Variants in CELF2 observed in about 807,000 individuals in gnomAD.
The protein encoded by CELF2 is CUGBP Elav-like family member 2.
A neutral mutation model predicts 62.6 loss-of-function variants in CELF2; 8 were observed. The observed-to-expected ratio is 0.13, with a 90% CI of 0.07 to 0.23. The LOEUF (loss-of-function observed/expected upper bound fraction) is 0.23, where lower values mean the gene tolerates loss of function less well. Ranked by LOEUF, CELF2 falls within the 10% of genes least tolerant of loss-of-function variation. The probability of loss-of-function intolerance (pLI) is 1.00; values close to 1 mark genes in which losing one functional copy is unlikely to be tolerated. For missense variants in CELF2, 333 were observed against 671.0 expected (o/e 0.50, Z 5.56); for synonymous variants, 258 against 250.0 (o/e 1.03, Z -0.30).
chr10:11,197,025 A>AAAGAAGG (rs1554936315), intron 2 of CELF2, among the ~76,000 whole-genome samples: 2 of 26,044 alleles, frequency 7.7e-5, no homozygotes, highest in African/African-American at 3.6e-4. Context: ...AGAAAGAAAG[A>AAAGAAGG]AAAGAAAGAA....
chr10:10,486,788 TC>T, the CELF2 span, among the ~76,000 whole-genome samples: 2 of 152,200 alleles, frequency 1.3e-5, no homozygotes, highest in African/African-American at 4.8e-5. Flanking sequence ...GGGTTTGTTG[TC>T]CTGGAGTTTG....
At position 10,936,929 on chromosome 10, in the gene CELF2, T is replaced by C. The variant is rs1000576306; in HGVS notation, c.89+16930T>C. On this transcript the variant is annotated intron_variant, in intron 2 of 13. Transcript: ENST00000636488. The surrounding 1 kb of genome is among the most constrained non-coding windows in gnomAD (Gnocchi z 4.0). ...TCTGATGATTCTGGTCCTCAGACCA[T>C]CCTTTGAGGAGCAAACGACTACAGA... Among the ~76,000 whole-genome samples, 5 of 152,108 alleles carry C rather than the reference T, an allele frequency of 3.3e-5. No individual in the cohort carries two copies. Among genetic ancestry groups the C allele is most frequent in the African/African-American group, 9.7e-5 (4 of 41,420 alleles).
At chr10:10,594,925 C>G in the CELF2 span, among the ~76,000 whole-genome samples, 1 of 152,202 alleles carries the variant, frequency 6.6e-6, no homozygotes, top group Admixed American at 6.5e-5. Flanking sequence ...GAATTCATCT[C>G]TCTCCTTAGA....
In CELF2 at chr10:11,270,608, T is replaced by C. The variant is rs963142337; in HGVS notation, c.619-58T>C. On this transcript the variant is annotated intron_variant, in intron 6 of 12. Coordinates refer to ENST00000633077, the MANE Select transcript of CELF2 (RefSeq NM_001326342.2). This position sits in a 1 kb window ranked among gnomAD's most constrained non-coding sequence, Gnocchi z 5.8. ...AAGGTAGCTCCGGTGCTGAGTGTCG[T>C]GAGCGGATTCCGCCAGCCTGTAACC... 1 of 1,352,532 alleles carries C rather than the reference T, an allele frequency of 7.4e-7. No homozygotes were observed. Among genetic ancestry groups the C allele is most frequent in the Non-Finnish European group, 9.7e-7 (1 of 1,035,192 alleles). 83.8% of individuals were successfully genotyped at this position (1,352,532 alleles called of 1,614,324 possible). A position where few individuals can be genotyped will look rare whatever the true frequency, so the allele number is the denominator to read the frequency against.
At chr10:11,059,663 C>G (rs6602475) in intron 1 of CELF2, among the ~76,000 whole-genome samples, 2 of 152,084 alleles carry the variant, frequency 1.3e-5, no homozygotes, top group East Asian at 3.9e-4. Flanking sequence ...TTGCAGACTC[C>G]GAGATAGCAG....
intron 2 of CELF2, among the ~76,000 whole-genome samples, chr10:10,994,844 C>T (rs2053790040): frequency 6.6e-6 from 1 of 151,800 alleles, no homozygotes; most frequent in Admixed American, 6.6e-5. Context: ...TCAATCCAAG[C>T]TCTTCTATTC....
At chr10:10,998,459 C>A (rs1386589275) in intron 2 of CELF2, among the ~76,000 whole-genome samples, 1 of 152,196 alleles carries the variant, frequency 6.6e-6, no homozygotes, top group Non-Finnish European at 1.5e-5. Flanking sequence ...CTTTCTACCA[C>A]TGCAATGTAA....
At chr10:10,607,954 C>G in the CELF2 span, among the ~76,000 whole-genome samples, 1 of 152,092 alleles carries the variant, frequency 6.6e-6, no homozygotes, top group East Asian at 1.9e-4. Flanking sequence ...TGGTAAAACT[C>G]TGTCTCTTCT....
chr10:10,768,644 G>A, the CELF2 span, among the ~76,000 whole-genome samples: 44 of 150,452 alleles, frequency 2.9e-4, no homozygotes, highest in Middle Eastern at 3.4e-3. Flanking sequence ...CACGATCTCA[G>A]CTCACTGCAA....
At chr10:10,558,244 AG>A in the CELF2 span, among the ~76,000 whole-genome samples, 1 of 152,038 alleles carries the variant, frequency 6.6e-6, no homozygotes, top group Non-Finnish European at 1.5e-5. Flanking sequence ...TTTAGCATGA[AG>A]GGTTGTTGAA....
the CELF2 span, among the ~76,000 whole-genome samples, chr10:10,564,587 C>G: frequency 2.0e-5 from 3 of 151,542 alleles, no homozygotes; most frequent in African/African-American, 7.3e-5. Context: ...CTGTTTCTGA[C>G]TCATTACACC....
At chr10:10,926,040 A>G (rs776222139) in intron 2 of CELF2, among the ~76,000 whole-genome samples, 3 of 151,918 alleles carry the variant, frequency 2.0e-5, no homozygotes, top group Admixed American at 6.6e-5. Context: ...CTTCTTTATT[A>G]TTTTTCTCAG....
At chr10:10,585,783 A>G in the CELF2 span, among the ~76,000 whole-genome samples, 1 of 152,212 alleles carries the variant, frequency 6.6e-6, no homozygotes, top group Non-Finnish European at 1.5e-5. Context: ...ATCCCAATAC[A>G]TTTCAAGAGT....
intron 1 of CELF2, among the ~76,000 whole-genome samples, chr10:11,063,191 T>TGTG (rs1410110314): frequency 6.6e-6 from 1 of 152,242 alleles, no homozygotes; most frequent in East Asian, 1.9e-4. Flanking sequence ...TTCATTGAAA[T>TGTG]ACTAGCTTTA....
At chr10:11,149,509 T>C (rs2062912435) in intron 1 of CELF2, among the ~76,000 whole-genome samples, 1 of 152,162 alleles carries the variant, frequency 6.6e-6, no homozygotes, top group African/African-American at 2.4e-5. Flanking sequence ...TTCTATAAAG[T>C]AAATATGAGC....
In CELF2 at chr10:11,332,539, T is replaced by C. The variant is rs1431809710; in HGVS notation, c.*3486T>C. On this transcript the variant is annotated 3_prime_UTR_variant, in exon 13 of 13. Transcript: ENST00000633077. ...CCTGCTGCCACTTTTTAAAGTGCCA[T>C]ATGACTTTCTACGAACAGGTACCTT... The C allele has an allele frequency of 6.6e-6, 1 of 152,388 alleles. No homozygotes were observed. The highest frequency in any genetic ancestry group is 1.5e-5 in the Non-Finnish European group (1 of 68,042). 9.4% of individuals were successfully genotyped at this position (152,388 alleles called of 1,614,324 possible). A position where few individuals can be genotyped will look rare whatever the true frequency, so the allele number is the denominator to read the frequency against.
chr10:11,093,040 C>T (rs964530228), intron 1 of CELF2, among the ~76,000 whole-genome samples: 1 of 152,200 alleles, frequency 6.6e-6, no homozygotes. Context: ...GGAGGCTGTA[C>T]GTCTTGATTG....
At chr10:10,467,284 G>C in the CELF2 span, among the ~76,000 whole-genome samples, 3 of 151,704 alleles carry the variant, frequency 2.0e-5, no homozygotes, top group South Asian at 2.1e-4. Context: ...AAAAACCAAG[G>C]GTCAATTTTT....
intron 1 of CELF2, among the ~76,000 whole-genome samples, chr10:10,893,805 C>G (rs58462680): frequency 0.013 from 1,963 of 152,290 alleles, 45 homozygotes; most frequent in African/African-American, 0.042. Flanking sequence ...AGCTCACTCA[C>G]TATCTCAAGA....
Sources: allele counts gnomAD v4.1 joint callset (sites outside exome capture counted in the v4.1 genomes callset), GRCh38; gene constraint gnomAD v4.1.1; non-coding constraint Gnocchi (gnomAD v3.1); transcripts MANE v1.5; gene names NCBI Gene and HGNC (gene_info 2026-07-23, HGNC 2026-07-21).